The following DCTN6 variants were observed in gnomAD, a reference collection of about 807,000 sequenced individuals.
DCTN6 encodes dynactin 6.
DCTN6 carries 15 observed loss-of-function variants against 25.8 expected under a neutral mutation model. The observed-to-expected ratio is 0.58, with a 90% CI of 0.39 to 0.89. DCTN6 has a LOEUF of 0.89. Among genes scored for constraint, DCTN6 ranks in the 40% least tolerant of loss-of-function variants. The pLI is 0.00. For synonymous variants in DCTN6, 64 were observed against 78.3 expected (o/e 0.82, Z 0.96); for missense variants, 198 against 237.6 (o/e 0.83, Z 1.09).
At position 30,156,389 on chromosome 8, in the gene DCTN6, G is replaced by T; in HGVS notation, c.6G>T (p.Ala2=). The change falls in exon 1 of 7, where the codon GCG becomes GCT. Residue 2 remains alanine, a synonymous_variant. Coordinates refer to ENST00000221114, the MANE Select transcript of DCTN6 (RefSeq NM_006571.4). ...GTTCCAATTGGGGCCGTACCATGGC[G>T]GAGAAGACTCAAAAGAGGTGGGTTT... M[A]EKTQKSVKIA... The T allele has an allele frequency of 1.9e-6, 3 of 1,605,974 alleles. No individual in the cohort carries two copies. Among genetic ancestry groups the T allele is most frequent in the Non-Finnish European group, 2.6e-6 (3 of 1,176,274 alleles).
chr8:30,177,043 G>A (rs939476815), intron 3 of DCTN6, 83 bp from the exon 4 acceptor site: 1 of 1,045,334 alleles, frequency 9.6e-7, no homozygotes, highest in Non-Finnish European at 1.5e-6. Context: ...AAAATTGAAA[G>A]AATTAACCCA....
At chr8:30,163,296 T>C (rs937619835) in intron 1 of DCTN6, among the ~76,000 whole-genome samples, 10 of 151,460 alleles carry the variant, frequency 6.6e-5, no homozygotes, top group South Asian at 2.1e-4. Flanking sequence ...AAACTCTGTC[T>C]CAAAAAAAAA....
chr8:30,171,250 CT>C (rs11347199), intron 2 of DCTN6, among the ~76,000 whole-genome samples: 9,123 of 149,350 alleles, frequency 0.061, 396 homozygotes, highest in East Asian at 0.24. Context: ...TTCCTCCTAT[CT>C]TTTTTTTTTC....
At chr8:30,162,489 T>C (rs1050405714) in intron 1 of DCTN6, among the ~76,000 whole-genome samples, 24 of 152,264 alleles carry the variant, frequency 1.6e-4, no homozygotes, top group African/African-American at 5.8e-4. Flanking sequence ...ATGTTAGTGT[T>C]ATTTCATAGT....
intron 3 of DCTN6, chr8:30,176,675 G>C (rs1023440172): frequency 2.6e-5 from 4 of 156,052 alleles, no homozygotes; most frequent in Non-Finnish European, 5.7e-5. Context: ...TGAATCACTT[G>C]AATTAAGAAA....
At chr8:30,179,951 A>G (rs1011001153) in intron 5 of DCTN6, among the ~76,000 whole-genome samples, 1 of 152,232 alleles carries the variant, frequency 6.6e-6, no homozygotes, top group Non-Finnish European at 1.5e-5. Context: ...AAGGTCCAGA[A>G]AAAACCTGAA....
chr8:30,169,807 A>G (rs1048315919), intron 2 of DCTN6, among the ~76,000 whole-genome samples: 3 of 152,108 alleles, frequency 2.0e-5, no homozygotes, highest in African/African-American at 7.2e-5. Context: ...GTGCTGCCCA[A>G]CCTCCATCAA....
At chr8:30,174,901 A>G (rs772076394) in intron 2 of DCTN6, among the ~76,000 whole-genome samples, 184 bp from the exon 3 acceptor site, 6 of 152,156 alleles carry the variant, frequency 3.9e-5, no homozygotes, top group Non-Finnish European at 5.9e-5. Flanking sequence ...ATTGGCTTGC[A>G]ACTTGGCCCT....
chr8:30,163,324 G>T (rs1193428063), intron 1 of DCTN6, among the ~76,000 whole-genome samples: 5 of 152,094 alleles, frequency 3.3e-5, no homozygotes, highest in Non-Finnish European at 7.4e-5. Flanking sequence ...GTCTCACTAT[G>T]TTGCCCAGGC....
rs765525680 is a variant in DCTN6 at position 30,180,605 on chromosome 8, G to C, written c.449G>C (p.Arg150Pro). The C allele has an allele frequency of 6.2e-7, 1 of 1,614,076 alleles. No homozygotes were observed. The highest frequency in any genetic ancestry group is 8.5e-7 in the Non-Finnish European group (1 of 1,180,006). ...GTGATCTATGGTGCAGACTGCCTTC[G>C]TCGGGTGCAGACTGAGCGACCGCAG... ...NTVIYGADCL[R>P]RVQTERPQPQ... Residue 150 changes from arginine (R) to proline (P), a missense_variant, in exon 6 of 7, where the codon CGT (arginine) becomes CCT (proline). By Grantham distance (103) the Arg-to-Pro change is moderately radical. Transcript: ENST00000221114.
chr8:30,159,962 A>C (rs1434946059), intron 1 of DCTN6, among the ~76,000 whole-genome samples: 5 of 152,002 alleles, frequency 3.3e-5, no homozygotes, highest in Non-Finnish European at 1.5e-5. Flanking sequence ...GGGTTTTACC[A>C]TGTGACCCAG....
rs564559789 is a variant in DCTN6 at position 30,156,887 on chromosome 8, G to C, written c.23+481G>C. 2.6e-5 allele frequency among the ~76,000 whole-genome samples: 4 copies of C among 152,358 alleles called. No homozygotes were observed. The South Asian group carries it at 8.3e-4, about 32-fold the overall frequency. On this transcript the variant is annotated intron_variant, in intron 1 of 6. Coordinates refer to ENST00000221114, the MANE Select transcript of DCTN6 (RefSeq NM_006571.4). ...GTCTCTGGAGGGTGGGGTGTGTAAAGGGATTTACGGTCGCTGTCAAAAGGG... is the reference window on the plus strand; with the variant it reads ...GTCTCTGGAGGGTGGGGTGTGTAAACGGATTTACGGTCGCTGTCAAAAGGG...
At chr8:30,162,594 G>A (rs1481616427) in intron 1 of DCTN6, among the ~76,000 whole-genome samples, 1 of 152,148 alleles carries the variant, frequency 6.6e-6, no homozygotes, top group Non-Finnish European at 1.5e-5. Flanking sequence ...TCACTGTAAT[G>A]GAGAAGTCAT....
chr8:30,158,756 AG>A (rs775658759), intron 1 of DCTN6, among the ~76,000 whole-genome samples: 1 of 137,056 alleles, frequency 7.3e-6, no homozygotes, highest in Non-Finnish European at 1.6e-5. Context: ...GTGCAGTGAA[AG>A]CTTTGCACCA....
intron 4 of DCTN6, chr8:30,177,440 T>C: frequency 5.8e-6 from 2 of 341,988 alleles, no homozygotes; most frequent in Non-Finnish European, 1.1e-5. Context: ...GTGCGGTGGC[T>C]CATGCCTGTA....
rs1007574760 is a variant in DCTN6, at chr8:30,170,040, G to A, written c.89-5045G>A. Among the ~76,000 whole-genome samples, 6 of 152,136 alleles carry A rather than the reference G, an allele frequency of 3.9e-5. No individual in the cohort carries two copies. In the East Asian group the frequency reaches 7.7e-4, roughly 20 times the overall value. ...TACAAAAAATTAGCTGGGCGTGGTG[G>A]TGGGCTCCTGTAGTCCCAGCTACTC... is the stretch of plus-strand genomic sequence containing the variant. On this transcript the variant is annotated intron_variant, in intron 2 of 6. Coordinates refer to ENST00000221114, the MANE Select transcript of DCTN6 (RefSeq NM_006571.4).
intron 6 of DCTN6, chr8:30,180,862 T>C: frequency 1.8e-6 from 1 of 556,606 alleles, no homozygotes. Flanking sequence ...TGAGACTCTG[T>C]CTCTACAAAC....
chr8:30,182,451 G>C (rs1434070390), intron 6 of DCTN6, among the ~76,000 whole-genome samples: 2 of 152,066 alleles, frequency 1.3e-5, no homozygotes, highest in Non-Finnish European at 2.9e-5. Flanking sequence ...TACTTATGTG[G>C]TCTTCTGTAA....
chr8:30,175,018 C>A, intron 2 of DCTN6, 67 bp from the exon 3 acceptor site: 1 of 1,479,226 alleles, frequency 6.8e-7, no homozygotes, highest in Non-Finnish European at 9.3e-7. Context: ...CATCCTCAGT[C>A]ACCTTCCACC....
Sources: gnomAD v4.1 joint callset for allele counts (sites outside exome capture counted in the v4.1 genomes callset) on GRCh38, gnomAD v4.1.1 for gene constraint, MANE v1.5 for transcripts, NCBI Gene and HGNC (gene_info 2026-07-23, HGNC 2026-07-21) for gene names.